The following PSME3 variants were observed in gnomAD, a reference collection of about 807,000 sequenced individuals.
PSME3 encodes proteasome activator complex subunit 3.
PSME3 carries 7 observed loss-of-function variants against 38.3 expected under a neutral mutation model. That is an observed-to-expected ratio of 0.18 (90% CI 0.10 to 0.34). PSME3 has a LOEUF of 0.34. Among genes scored for constraint, PSME3 ranks in the 10% least tolerant of loss-of-function variants. The pLI is 1.00. For synonymous variants in PSME3, 108 were observed against 105.7 expected (o/e 1.02, Z -0.13); for missense variants, 192 against 307.6 (o/e 0.62, Z 2.81).
chr17:42,833,950 A>G, intron 1 of PSME3: 9 of 1,439,782 alleles, frequency 6.3e-6, no homozygotes, highest in Non-Finnish European at 8.2e-6. Context: ...GTAATCCCCC[A>G]GCCCAACAAC....
intron 4 of PSME3, among the ~76,000 whole-genome samples, chr17:42,836,990 C>G (rs919835750): frequency 3.3e-5 from 5 of 151,898 alleles, no homozygotes; most frequent in Non-Finnish European, 7.4e-5. Flanking sequence ...AAGCAATTCT[C>G]CTGCCTCAGC....
At chr17:42,838,556 G>A (rs2055492030) in intron 6 of PSME3, 175 bp from the exon 7 acceptor site, 2 of 694,488 alleles carry the variant, frequency 2.9e-6, no homozygotes, top group Admixed American at 5.8e-5. Context: ...GACCTCAGGT[G>A]ATCCACCCGC....
chr17:42,836,581 A>T (rs1489724192), intron 4 of PSME3, among the ~76,000 whole-genome samples: 1 of 152,092 alleles, frequency 6.6e-6, no homozygotes, highest in South Asian at 2.1e-4. Context: ...CTGAGGGGGA[A>T]CCCAGTCTCA....
At chr17:42,839,856 C>T (rs1390969341) in intron 10 of PSME3, among the ~76,000 whole-genome samples, 1 of 151,442 alleles carries the variant, frequency 6.6e-6, no homozygotes, top group Non-Finnish European at 1.5e-5. Flanking sequence ...ATTAGCCGGG[C>T]CTGGTGGCAC....
In PSME3 at chr17:42,837,708, C is replaced by T. The variant is rs1368429427; in HGVS notation, c.292+11C>T. The T allele has an allele frequency of 6.2e-7, 1 of 1,612,840 alleles. No homozygotes were observed. Among genetic ancestry groups the T allele is most frequent in the South Asian group, 1.1e-5 (1 of 91,014 alleles). On this transcript the variant is annotated intron_variant, in intron 5 of 10. Transcript: ENST00000590720. ...AAGAAGCCTTCCAAGGTAAGAGGCA[C>T]CCTTACCTCACCTCCCCTCACCCCA...
At position 42,838,664 on chromosome 17, in the gene PSME3, G is replaced by A. The variant is rs200650286; in HGVS notation, c.406-67G>A. 4.1e-4 allele frequency: 593 copies of A among 1,438,584 alleles called. 1 individual carries two copies. Among genetic ancestry groups the A allele is most frequent in the Non-Finnish European group, 5.2e-4 (531 of 1,023,766 alleles). 89.1% of individuals were successfully genotyped at this position (1,438,584 alleles called of 1,614,324 possible). A position where few individuals can be genotyped will look rare whatever the true frequency, so the allele number is the denominator to read the frequency against. On this transcript the variant is annotated intron_variant, in intron 6 of 10. Transcript: ENST00000590720. ...GTGTTCCTGGCATCTGGCTCCAGCC[G>A]TCTGAATTGTGTACTTCATGGCTTC...
rs533205279 is a variant in PSME3, at chr17:42,842,803, C to T, written c.*1225C>T. On this transcript the variant is annotated 3_prime_UTR_variant, in exon 11 of 11. Transcript: ENST00000590720. ...TGTTAACAGCTTTTGTGTTAATCCC[C>T]TTCAGCCCCTAGCTCTTTTATTCTA... The T allele has an allele frequency of 5.9e-5, 9 of 152,902 alleles. No individual in the cohort carries two copies. Among genetic ancestry groups the T allele is most frequent in the Admixed American group, 3.3e-4 (5 of 15,304 alleles). The allele number at this position is 152,902 out of a possible 1,614,324, so 9.5% of individuals were successfully genotyped here. A position where few individuals can be genotyped will look rare whatever the true frequency, so the allele number is the denominator to read the frequency against.
intron 5 of PSME3, 134 bp downstream of exon 5, chr17:42,837,831 C>G (rs2055481906): frequency 1.9e-6 from 2 of 1,080,678 alleles, no homozygotes; most frequent in Non-Finnish European, 1.4e-6. Context: ...ATTCCCAGCT[C>G]CTCCAAACGT....
intron 4 of PSME3, among the ~76,000 whole-genome samples, chr17:42,837,050 T>TTTTTTA (rs1381521879): frequency 2.0e-5 from 3 of 151,884 alleles, no homozygotes; most frequent in Non-Finnish European, 4.4e-5. Context: ...CCGGCTAATT[T>TTTTTTA]TTTTTATTTT....
intron 10 of PSME3, 81 bp downstream of exon 10, chr17:42,839,461 G>A (rs1221894126): frequency 2.5e-6 from 3 of 1,189,176 alleles, no homozygotes; most frequent in African/African-American, 3.0e-5. Flanking sequence ...TCTCTGAAGG[G>A]CTGAGATGAG....
chr17:42,836,224 C>T lies in PSME3; in HGVS notation c.243+1348C>T, dbSNP rs905749821. Among the ~76,000 whole-genome samples, 7 of 151,916 alleles carry T rather than the reference C, an allele frequency of 4.6e-5. No homozygotes were observed. In the East Asian group the frequency reaches 5.8e-4, roughly 13 times the overall value. ...TTCACCATGTTGTCCAGACTGGTCTCGAACTCCTGACCTCAGGTGATCCGC... is the reference window on the plus strand; with the variant it reads ...TTCACCATGTTGTCCAGACTGGTCTTGAACTCCTGACCTCAGGTGATCCGC... On this transcript the variant is annotated intron_variant, in intron 4 of 10. Transcript: ENST00000590720.
chr17:42,840,001 A>G (rs1049747183), intron 10 of PSME3, among the ~76,000 whole-genome samples: 3 of 147,184 alleles, frequency 2.0e-5, no homozygotes, highest in African/African-American at 7.6e-5. Context: ...CATCTCAAAA[A>G]AAAAATAAAA....
In PSME3 at chr17:42,842,538, T is replaced by C. The variant is rs1265996283; in HGVS notation, c.*960T>C. The stretch of plus-strand genomic sequence containing the variant: ...TTTCCCAGCCAGTTTTCAGTTGGGG[T>C]GAAGGTTTCTGCAAGTGTGAGGTCC... On this transcript the variant is annotated 3_prime_UTR_variant, in exon 11 of 11. Transcript: ENST00000590720. 1 of 152,838 alleles carries C rather than the reference T, an allele frequency of 6.5e-6. No homozygotes were observed. The highest frequency in any genetic ancestry group is 2.4e-5 in the African/African-American group (1 of 41,428). The allele number at this position is 152,838 out of a possible 1,614,324, so 9.5% of individuals were successfully genotyped here. A position where few individuals can be genotyped will look rare whatever the true frequency, so the allele number is the denominator to read the frequency against.
intron 10 of PSME3, 104 bp downstream of exon 10, chr17:42,839,484 A>G (rs1384860606): frequency 3.2e-6 from 3 of 924,998 alleles, no homozygotes; most frequent in Non-Finnish European, 5.1e-6. Context: ...TCTGAGGTAA[A>G]ATGAATAGAC....
intron 2 of PSME3, 23 bp from the exon 3 acceptor site, chr17:42,834,492 G>T (rs1188420287): frequency 6.2e-7 from 1 of 1,609,878 alleles, no homozygotes. Context: ...TATTAATTCA[G>T]CTGTATTTTC....
At chr17:42,835,717 T>A (rs1171720566) in intron 4 of PSME3, among the ~76,000 whole-genome samples, 1 of 150,332 alleles carries the variant, frequency 6.7e-6, no homozygotes, top group African/African-American at 2.5e-5. Context: ...AGAGCGAGAC[T>A]CTGTCTCAAA....
Position 42,833,928 on chromosome 17 carries a change from C to T in PSME3, c.42+255C>T, listed in dbSNP as rs2055430173. 2.1e-6 allele frequency: 3 copies of T among 1,441,466 alleles called. No homozygotes were observed. In the South Asian group the frequency reaches 4.4e-5, roughly 21 times the overall value. The allele number at this position is 1,441,466 out of a possible 1,614,324, so 89.3% of individuals were successfully genotyped here. ...ACGTGTTGGACTCAGGGCTTTAGGC[C>T]CGTGACAGCTGGTAATCCCCCAGCC... On this transcript the variant is annotated intron_variant, in intron 1 of 10. Coordinates refer to ENST00000590720, the MANE Select transcript of PSME3 (RefSeq NM_005789.4).
intron 4 of PSME3, 109 bp downstream of exon 4, chr17:42,834,985 A>G: frequency 6.8e-7 from 1 of 1,480,592 alleles, no homozygotes; most frequent in South Asian, 1.3e-5. Flanking sequence ...GGATCTGGGA[A>G]CTAGGACTCT....
rs186711295 is a variant in PSME3 at position 42,835,648 on chromosome 17, C to T, written c.243+772C>T. ...GCTGAGGCAGGAGAATGGCATGAAC[C>T]CAGGAGGCGGAGCTTGCAGTGAGCT... On this transcript the variant is annotated intron_variant, in intron 4 of 10. Coordinates refer to ENST00000590720, the MANE Select transcript of PSME3 (RefSeq NM_005789.4). Among the ~76,000 whole-genome samples, 727 of 151,860 alleles carry T rather than the reference C, an allele frequency of 4.8e-3. 4 individuals are homozygous for T. The highest frequency in any genetic ancestry group is 7.5e-3 in the South Asian group (36 of 4,796).
Sources: allele counts gnomAD v4.1 joint callset (sites outside exome capture counted in the v4.1 genomes callset), GRCh38; gene constraint gnomAD v4.1.1; transcripts MANE v1.5; gene names NCBI Gene and HGNC (gene_info 2026-07-23, HGNC 2026-07-21).